The following WAC variants were observed in gnomAD, a reference collection of about 807,000 sequenced individuals.
WAC encodes the protein WW domain containing adaptor with coiled-coil.
Under a neutral mutation model 79.6 loss-of-function variants are expected in WAC, and 11 were observed. The observed-to-expected ratio is 0.14, with a 90% CI of 0.09 to 0.23. The LOEUF is 0.23. Ranked by LOEUF, WAC falls within the 10% of genes least tolerant of loss-of-function variation. The pLI, the probability that WAC is intolerant of heterozygous loss-of-function variation, is 1.00. For missense variants in WAC, 728 were observed against 773.5 expected (o/e 0.94, Z 0.70); for synonymous variants, 304 against 276.9 (o/e 1.10, Z -0.97).
chr10:28,548,001 A>G (rs979419972), intron 3 of WAC, among the ~76,000 whole-genome samples: 3 of 149,964 alleles, frequency 2.0e-5, no homozygotes, highest in South Asian at 2.1e-4. Context: ...GCTCACTGCA[A>G]TCTCCGCCTC....
chr10:28,567,526 A>G (rs935895042), intron 3 of WAC, among the ~76,000 whole-genome samples: 4 of 152,154 alleles, frequency 2.6e-5, no homozygotes, highest in African/African-American at 9.7e-5. Flanking sequence ...GTATTTGATG[A>G]AGTCTCTTCT....
At position 28,583,516 on chromosome 10, in the gene WAC, T is replaced by C. The variant is rs780445161; in HGVS notation, c.381+11T>C. 2.8e-6 allele frequency: 4 copies of C among 1,447,922 alleles called. No homozygotes were observed. The highest frequency in any genetic ancestry group is 3.7e-6 in the Non-Finnish European group (4 of 1,090,784). 89.7% of individuals were successfully genotyped at this position (1,447,922 alleles called of 1,614,324 possible). On this transcript the variant is annotated intron_variant, in intron 4 of 13. Transcript: ENST00000354911. ...AAAACTTCAGATGCAGTAAGTATTATAAACATGTCCAATATGGTTTCTTTG... is the reference window on the plus strand; with the variant it reads ...AAAACTTCAGATGCAGTAAGTATTACAAACATGTCCAATATGGTTTCTTTG...
chr10:28,595,594 G>A (rs997951108), intron 6 of WAC, 139 bp from the exon 7 acceptor site: 19 of 816,608 alleles, frequency 2.3e-5, no homozygotes, highest in Non-Finnish European at 3.2e-5. Flanking sequence ...CACTAACTGG[G>A]TTTGCAGTTT....
rs886735377 is a variant in WAC at position 28,563,306 on chromosome 10, A to G, written c.275-20093A>G. 7.0e-4 allele frequency among the ~76,000 whole-genome samples: 107 copies of G among 152,270 alleles called. 1 individual carries two copies. The highest frequency in any genetic ancestry group is 2.1e-4 in the Non-Finnish European group (14 of 68,016). ...TCCTATCTTTTCTTAATTTTCACTT[A>G]ATGGCCAACCTTAGTGATTATGTTC... On this transcript the variant is annotated intron_variant, in intron 3 of 13. Transcript: ENST00000354911.
At chr10:28,587,276 A>G (rs1353449783) in intron 4 of WAC, among the ~76,000 whole-genome samples, 1 of 152,246 alleles carries the variant, frequency 6.6e-6, no homozygotes, top group African/African-American at 2.4e-5. Context: ...ACATCTTAGT[A>G]ATGTTTGACT....
intron 3 of WAC, among the ~76,000 whole-genome samples, chr10:28,578,603 C>A (rs1839369668): frequency 6.6e-6 from 1 of 152,078 alleles, no homozygotes; most frequent in Non-Finnish European, 1.5e-5. Flanking sequence ...TATCCTGGTT[C>A]CCTTTTGTAA....
chr10:28,570,205 A>G (rs2132542788), intron 3 of WAC, among the ~76,000 whole-genome samples: 1 of 152,270 alleles, frequency 6.6e-6, no homozygotes, highest in East Asian at 1.9e-4. Flanking sequence ...TACTATTCCA[A>G]TTTATTTTAT....
rs574992021 is a variant in WAC at position 28,619,250 on chromosome 10, A to C, written c.1875-287A>C. On this transcript the variant is annotated intron_variant, in intron 13 of 13. Coordinates refer to ENST00000354911, the MANE Select transcript of WAC (RefSeq NM_016628.5). ...AGTCAAGATTGCACCCCTGCCCTCT[A>C]GCCTGGGCAACAGAGCAAGACTCTG... 2.3e-3 allele frequency among the ~76,000 whole-genome samples: 343 copies of C among 152,362 alleles called. 1 individual carries two copies. The highest frequency in any genetic ancestry group is 2.2e-3 in the Non-Finnish European group (152 of 68,034).
chr10:28,596,568 G>A (rs894350097), intron 7 of WAC, among the ~76,000 whole-genome samples: 1 of 152,132 alleles, frequency 6.6e-6, no homozygotes, highest in Non-Finnish European at 1.5e-5. Context: ...CCCAAATTGC[G>A]TTTATCCAAC....
Position 28,533,162 on chromosome 10 carries a change from C to T in WAC, c.-418C>T, listed in dbSNP as rs994534670. On this transcript the variant is annotated 5_prime_UTR_variant, in exon 1 of 14. Coordinates refer to ENST00000354911, the MANE Select transcript of WAC (RefSeq NM_016628.5). ...GGTGGAGCGGCAGCGGCGGCACCAGCGGCGGCGGCGGCGGCGGGAGGAGGA... is the reference window on the plus strand; with the variant it reads ...GGTGGAGCGGCAGCGGCGGCACCAGTGGCGGCGGCGGCGGCGGGAGGAGGA... Among the ~76,000 whole-genome samples the T allele has an allele frequency of 6.7e-5, 10 of 148,854 alleles. No homozygotes were observed. Among genetic ancestry groups the T allele is most frequent in the African/African-American group, 2.2e-4 (9 of 40,944 alleles).
At position 28,619,920 on chromosome 10, in the gene WAC, A is replaced by T; in HGVS notation, c.*314A>T. ...TCAATGCTGAGGTGGCTAAATACCT[A>T]GCCTTTTACATGTAAACCTGTCTGC... On this transcript the variant is annotated 3_prime_UTR_variant, in exon 14 of 14. Coordinates refer to ENST00000354911, the MANE Select transcript of WAC (RefSeq NM_016628.5). The T allele has an allele frequency of 5.2e-6, 1 of 193,476 alleles. No homozygotes were observed. The highest frequency in any genetic ancestry group is 1.0e-5 in the Non-Finnish European group (1 of 95,458). 12.0% of individuals were successfully genotyped at this position (193,476 alleles called of 1,614,324 possible). A position where few individuals can be genotyped will look rare whatever the true frequency, so the allele number is the denominator to read the frequency against.
rs188701765 is a variant in WAC at position 28,587,758 on chromosome 10, C to G, written c.382-1978C>G. Among the ~76,000 whole-genome samples, 3 of 152,268 alleles carry G rather than the reference C, an allele frequency of 2.0e-5. No homozygotes were observed. The East Asian group carries it at 5.8e-4, about 29-fold the overall frequency. On this transcript the variant is annotated intron_variant, in intron 4 of 13. Transcript: ENST00000354911. ...AGTTATTGGTATGTGATTGTATGCT[C>G]TACCCTGGAATTCTGTTAAGTGTAA... is the stretch of plus-strand genomic sequence containing the variant.
intron 3 of WAC, among the ~76,000 whole-genome samples, chr10:28,564,325 G>T (rs753340121): frequency 6.6e-6 from 1 of 152,190 alleles, no homozygotes; most frequent in Non-Finnish European, 1.5e-5. Context: ...CCTGTGGTCA[G>T]ATACTGTTGT....
intron 3 of WAC, among the ~76,000 whole-genome samples, chr10:28,554,122 C>T (rs1006239334): frequency 1.3e-5 from 2 of 152,198 alleles, no homozygotes; most frequent in Non-Finnish European, 2.9e-5. Flanking sequence ...CCCGCCTCTT[C>T]CTCCCACAGT....
At chr10:28,533,641 GGGCCGGGCGGC>G (rs764776256) in intron 1 of WAC, 21 bp downstream of exon 1, 8 of 1,599,576 alleles carry the variant, frequency 5.0e-6, no homozygotes, top group Non-Finnish European at 8.5e-7. Context: ...TTTTCGTTTC[GGGCCGGGCGGC>G]GGCGGGGGGC....
At chr10:28,583,018 T>C (rs1024704484) in intron 3 of WAC, among the ~76,000 whole-genome samples, 2 of 152,172 alleles carry the variant, frequency 1.3e-5, no homozygotes, top group African/African-American at 4.8e-5. Flanking sequence ...ACAGTGACTT[T>C]TAGTTCTGTA....
Position 28,595,885 on chromosome 10 carries a change from C to G in WAC, c.763C>G (p.His255Asp), listed in dbSNP as rs1295256410. The G allele has an allele frequency of 6.2e-7, 1 of 1,614,142 alleles. No individual in the cohort carries two copies. The highest frequency in any genetic ancestry group is 8.5e-7 in the Non-Finnish European group (1 of 1,180,008). ...PVQHPIKPVV[H>D]PTATPSTVPS... ...ACAGCACCCCATCAAACCAGTGGTT[C>G]ATCCAACTGCTACCCCAAGCACTGT... Residue 255 changes from histidine (H) to aspartate (D), a missense_variant, in exon 7 of 14, where the codon CAT (histidine) becomes GAT (aspartate). Physicochemically the swap from His to Asp is moderately conservative, Grantham distance 81 (BLOSUM62 -1). Transcript: ENST00000354911.
At position 28,537,865 on chromosome 10, in the gene WAC, CT is replaced by C. The variant is rs1271430399; in HGVS notation, c.274+2111del. ...AAAATTTGCATCTTTCCTGATGTTT[CT>C]TTAGCTTCATTTGCAAGAAACTTGA... On this transcript the variant is annotated intron_variant, in intron 3 of 13. Transcript: ENST00000354911. Among the ~76,000 whole-genome samples, 3 of 152,206 alleles carry C rather than the reference CT, an allele frequency of 2.0e-5. No individual in the cohort carries two copies. The East Asian group carries it at 5.8e-4, about 29-fold the overall frequency.
chr10:28,533,951 C>T (rs889656687), intron 1 of WAC, 47 bp from the exon 2 acceptor site: 6 of 1,602,222 alleles, frequency 3.7e-6, no homozygotes, highest in Admixed American at 1.7e-5. Context: ...CCCGGCCCCC[C>T]ACCCGCGCCG....
Sources: allele counts gnomAD v4.1 joint callset (sites outside exome capture counted in the v4.1 genomes callset), GRCh38; gene constraint gnomAD v4.1.1; transcripts MANE v1.5; gene names NCBI Gene and HGNC (gene_info 2026-07-23, HGNC 2026-07-21).